STPG2: variants seen among roughly 807,000 people sequenced by gnomAD.
The protein encoded by STPG2 is sperm-tail PG-rich repeat-containing protein 2.
STPG2 carries 56 observed loss-of-function variants against 54.2 expected under a neutral mutation model. The observed-to-expected ratio is 1.03, with a 90% CI of 0.83 to 1.29. The LOEUF (loss-of-function observed/expected upper bound fraction) is 1.29. Ranked by LOEUF, STPG2 falls within the 50% of genes most tolerant of loss-of-function variation. The pLI is 0.00. For synonymous variants in STPG2, 200 were observed against 181.8 expected (o/e 1.10, Z -0.81); for missense variants, 596 against 544.9 (o/e 1.09, Z -0.93).
At chr4:97,754,815 G>C (rs1434982194) in intron 9 of STPG2, among the ~76,000 whole-genome samples, 1 of 152,002 alleles carries the variant, frequency 6.6e-6, no homozygotes, top group Non-Finnish European at 1.5e-5. Context: ...CCAACTACCA[G>C]CATCTGCACA....
chr4:97,667,732 G>C (rs1722572257), intron 10 of STPG2, among the ~76,000 whole-genome samples: 1 of 151,934 alleles, frequency 6.6e-6, no homozygotes, highest in African/African-American at 2.4e-5. Flanking sequence ...CTTCACACAA[G>C]GACATTTCAA....
chr4:97,552,372 G>C (rs1265973211), intron 4 of STPG2, among the ~76,000 whole-genome samples: 1 of 151,990 alleles, frequency 6.6e-6, no homozygotes, highest in Non-Finnish European at 1.5e-5. Flanking sequence ...AATTATATTA[G>C]CAATTAGAAT....
At chr4:97,733,561 C>A (rs1724875183) in intron 9 of STPG2, among the ~76,000 whole-genome samples, 1 of 151,352 alleles carries the variant, frequency 6.6e-6, no homozygotes, top group Admixed American at 6.6e-5. Flanking sequence ...AAAAAAAAAA[C>A]ACTTGTACCC....
At chr4:97,535,445 G>A (rs1447105629) in intron 4 of STPG2, among the ~76,000 whole-genome samples, 1 of 152,142 alleles carries the variant, frequency 6.6e-6, no homozygotes, top group African/African-American at 2.4e-5. Flanking sequence ...TCTGCTGGCA[G>A]TGAATTCTCT....
chr4:97,803,184 C>G lies in STPG2; in HGVS notation c.1204+37589G>C, dbSNP rs1250542061. On this transcript the variant is annotated intron_variant, in intron 9 of 10. Coordinates refer to ENST00000295268, the MANE Select transcript of STPG2 (RefSeq NM_174952.3). ...GCTCTATTAATGTAACCATGGCCAC[C>G]ATCCTCCAAAATATATATGGAGGGG... 2.6e-5 allele frequency among the ~76,000 whole-genome samples: 4 copies of G among 152,272 alleles called. No homozygotes were observed. In the East Asian group the frequency reaches 7.7e-4, roughly 29 times the overall value.
At position 97,838,311 on chromosome 4, in the gene STPG2, C is replaced by A. The variant is rs987239789; in HGVS notation, c.1204+2462G>T. Among the ~76,000 whole-genome samples, 4 of 151,396 alleles carry A rather than the reference C, an allele frequency of 2.6e-5. No individual in the cohort carries two copies. The East Asian group carries it at 5.8e-4, about 22-fold the overall frequency. On this transcript the variant is annotated intron_variant, in intron 9 of 10. Transcript: ENST00000295268. ...GGCCATCATTCATAAGATAAACATT[C>A]CCCACACCATATAACAAATAGAATT...
At chr4:97,896,418 G>C (rs1578664523) in intron 8 of STPG2, among the ~76,000 whole-genome samples, 1 of 151,754 alleles carries the variant, frequency 6.6e-6, no homozygotes, top group Non-Finnish European at 1.5e-5. Context: ...AAAACCCCAA[G>C]TAAACAGTGT....
intron 5 of STPG2, among the ~76,000 whole-genome samples, chr4:98,078,305 A>G (rs1052400699): frequency 1.1e-4 from 17 of 152,172 alleles, no homozygotes; most frequent in African/African-American, 4.1e-4. Context: ...ACTTATATGA[A>G]AAAACATAAA....
At position 97,493,672 on chromosome 4, in the gene STPG2, G is replaced by T. The variant is rs183262796; in HGVS notation, c.462+219027C>A. Reference sequence around the variant, plus strand: ...AAGATTTTCATACAAAATGATGTAAGTGCCAACTGTCTTATTTTAGATTCC... The same window carrying T: ...AAGATTTTCATACAAAATGATGTAATTGCCAACTGTCTTATTTTAGATTCC... On this transcript the variant is annotated intron_variant, in intron 4 of 4. Coordinates refer to the STPG2 transcript ENST00000522676. 2.5e-4 allele frequency among the ~76,000 whole-genome samples: 38 copies of T among 151,576 alleles called. No homozygotes were observed. In the East Asian group the frequency reaches 7.2e-3, roughly 29 times the overall value.
intron 1 of STPG2, among the ~76,000 whole-genome samples, chr4:98,140,019 T>G (rs1348299663): frequency 2.0e-5 from 3 of 152,164 alleles, no homozygotes; most frequent in Non-Finnish European, 4.4e-5. Flanking sequence ...AATTACAATA[T>G]AGAATCAAAG....
At chr4:98,039,368 T>C (rs1736872198) in intron 5 of STPG2, among the ~76,000 whole-genome samples, 1 of 67,676 alleles carries the variant, frequency 1.5e-5, no homozygotes, top group South Asian at 5.1e-4. Context: ...TATGACCATT[T>C]ATTTAACTTT....
intron 5 of STPG2, among the ~76,000 whole-genome samples, chr4:97,982,243 A>G (rs1350861930): frequency 5.3e-5 from 8 of 152,138 alleles, no homozygotes; most frequent in Admixed American, 5.2e-4. Context: ...ATGAATAAAA[A>G]TAATACAGAA....
In STPG2 at chr4:97,655,520, T is replaced by A. The variant is rs111660730; in HGVS notation, c.1320+57179A>T. Among the ~76,000 whole-genome samples the A allele has an allele frequency of 5.4e-3, 819 of 152,162 alleles. 6 individuals are homozygous for A. The highest frequency in any genetic ancestry group is 0.018 in the African/African-American group (760 of 41,552). On this transcript the variant is annotated intron_variant, in intron 10 of 10. Transcript: ENST00000295268. ...GTGTCTTGATTCATATTAATGTCAATTTTTTTCATTACTATTTTGGATGAA... is the reference window on the plus strand; with the variant it reads ...GTGTCTTGATTCATATTAATGTCAAATTTTTTCATTACTATTTTGGATGAA...
At chr4:97,784,521 T>C (rs902565500) in intron 9 of STPG2, among the ~76,000 whole-genome samples, 4 of 151,992 alleles carry the variant, frequency 2.6e-5, no homozygotes, top group African/African-American at 7.2e-5. Flanking sequence ...AAAAAAACTT[T>C]CCTTCGTCAT....
chr4:97,778,153 C>G (rs1726444757), intron 9 of STPG2, among the ~76,000 whole-genome samples: 1 of 152,088 alleles, frequency 6.6e-6, no homozygotes. Context: ...TCAGGGAATT[C>G]CCTTTCCCAG....
chr4:98,013,580 C>CTTTTTTTT (rs34198207), intron 5 of STPG2, among the ~76,000 whole-genome samples: 10 of 74,600 alleles, frequency 1.3e-4, no homozygotes, highest in Non-Finnish European at 1.7e-4. Context: ...TGGTCCTGGG[C>CTTTTTTTT]TTTTTTTTTT....
chr4:97,715,220 T>C (rs1041597911), intron 9 of STPG2, among the ~76,000 whole-genome samples: 1 of 152,180 alleles, frequency 6.6e-6, no homozygotes, highest in Non-Finnish European at 1.5e-5. Context: ...TTACATTGCT[T>C]CATCAGCTCT....
At chr4:97,941,778 G>C (rs1297494886) in intron 8 of STPG2, among the ~76,000 whole-genome samples, 1 of 151,474 alleles carries the variant, frequency 6.6e-6, no homozygotes, top group Non-Finnish European at 1.5e-5. Context: ...ATTTTATTTT[G>C]AGATCAATAA....
chr4:97,472,539 C>G (rs537400895), intron 4 of STPG2, among the ~76,000 whole-genome samples: 33 of 152,208 alleles, frequency 2.2e-4, no homozygotes, highest in Non-Finnish European at 4.3e-4. Context: ...TTTATAGCAG[C>G]TTTGTTCATA....
Sources: gnomAD v4.1 joint callset for allele counts (sites outside exome capture counted in the v4.1 genomes callset) on GRCh38, gnomAD v4.1.1 for gene constraint, MANE v1.5 for transcripts, NCBI Gene and HGNC (gene_info 2026-07-23, HGNC 2026-07-21) for gene names.